The following ZNF28 variants were observed in gnomAD, a reference collection of about 807,000 sequenced individuals.
ZNF28 encodes zinc finger protein 28, also known as zinc finger protein KOX24.
Under a neutral mutation model 7.2 loss-of-function variants are expected in ZNF28, and 5 were observed. The ratio of observed to expected loss-of-function variants is 0.70; its 90% CI spans 0.36 to 1.46. ZNF28 has a LOEUF of 1.46. Among genes scored for constraint, ZNF28 ranks in the 40% most tolerant of loss-of-function variants. The pLI is 0.03. For synonymous variants in ZNF28, 288 were observed against 292.4 expected (o/e 0.99, Z 0.15); for missense variants, 879 against 866.6 (o/e 1.01, Z -0.18).
At chr19:52,809,672 G>T in intron 2 of ZNF28, among the ~76,000 whole-genome samples, 1 of 152,224 alleles carries the variant, frequency 6.6e-6, no homozygotes, top group Non-Finnish European at 1.5e-5. Context: ...CAGACGTGGT[G>T]TTGGCTGCCT....
At chr19:52,821,403 C>A (rs2147703358) in intron 1 of ZNF28, among the ~76,000 whole-genome samples, 183 bp downstream of exon 1, 1 of 152,208 alleles carries the variant, frequency 6.6e-6, no homozygotes, top group East Asian at 1.9e-4. Context: ...ACGGGACCAG[C>A]CTCAGGGCGA....
At position 52,799,149 on chromosome 19, in the gene ZNF28, T is replaced by G; in HGVS notation, c.*539A>C. On this transcript the variant is annotated 3_prime_UTR_variant, in exon 4 of 4. Coordinates refer to ENST00000457749, the MANE Select transcript of ZNF28 (RefSeq NM_006969.5). Reference sequence around the variant, plus strand: ...ACTATGATGACTTGCAAGGTGTGACTGTTGATTAAAAACTATGCCACATTC... The same window carrying G: ...ACTATGATGACTTGCAAGGTGTGACGGTTGATTAAAAACTATGCCACATTC... 4.9e-6 allele frequency: 2 copies of G among 406,496 alleles called. No homozygotes were observed. The highest frequency in any genetic ancestry group is 4.8e-5 in the South Asian group (2 of 41,674). 25.2% of individuals were successfully genotyped at this position (406,496 alleles called of 1,614,324 possible).
Position 52,800,511 on chromosome 19 carries a change from C to T in ZNF28, c.1334G>A (p.Gly445Asp). Residue 445 changes from glycine (G) to aspartate (D), a missense_variant, in exon 4 of 4, where the codon GGC becomes GAC. This residue lies in a region of ZNF28 where 864 missense variants were observed against 830.2 expected (regional missense o/e 1.04). Transcript: ENST00000457749. ...GEKPYKCNEC[G>D]KVFNQQSTLA... ...AGTTGATTGTTGATTAAAAACCTTG[C>T]CACATTCATTACACTTGTAAGGCTT... 6 of 1,613,598 alleles carry T rather than the reference C, an allele frequency of 3.7e-6. No homozygotes were observed. The highest frequency in any genetic ancestry group is 5.1e-6 in the Non-Finnish European group (6 of 1,179,884).
chr19:52,812,184 G>A (rs1187934876), intron 2 of ZNF28, among the ~76,000 whole-genome samples: 1 of 131,322 alleles, frequency 7.6e-6, no homozygotes, highest in East Asian at 2.2e-4. Context: ...CCATCTGGGA[G>A]GTGAGGGGCG....
intron 2 of ZNF28, among the ~76,000 whole-genome samples, chr19:52,814,595 G>GA (rs60135815): frequency 0.067 from 9,186 of 136,740 alleles, 1,235 homozygotes; most frequent in African/African-American, 0.15. Flanking sequence ...GTCTCAAAAA[G>GA]AAAAAAAAAA....
intron 3 of ZNF28, among the ~76,000 whole-genome samples, chr19:52,804,261 T>C (rs1234144581): frequency 1.3e-5 from 2 of 152,224 alleles, no homozygotes; most frequent in Non-Finnish European, 2.9e-5. Flanking sequence ...GAGAAATCAA[T>C]GTCTTTGTCT....
At position 52,813,249 on chromosome 19, in the gene ZNF28, G is replaced by GAACAAAA. The variant is rs1555806828; in HGVS notation, c.15+4694_15+4695insTTTTGTT. The stretch of plus-strand genomic sequence containing the variant: ...TATGAAGATTAAAAACTTGAATGGT[G>GAACAAAA]AAAAAAAAAAAAAAAAAAAAAAGAC... On this transcript the variant is annotated intron_variant, in intron 2 of 3. Transcript: ENST00000457749. Among the ~76,000 whole-genome samples, 10 of 62,984 alleles carry GAACAAAA rather than the reference G, an allele frequency of 1.6e-4. 1 individual carries two copies. Among genetic ancestry groups the GAACAAAA allele is most frequent in the Admixed American group, 9.5e-4 (4 of 4,204 alleles). The allele number at this position is 62,984 out of a possible 152,430, so 41.3% of individuals were successfully genotyped here.
rs781161373 is a variant in ZNF28 at position 52,800,232 on chromosome 19, A to C, written c.1613T>G (p.Leu538Arg). 1 of 1,613,278 alleles carries C rather than the reference A, an allele frequency of 6.2e-7. No homozygotes were observed. The highest frequency in any genetic ancestry group is 2.2e-5 in the East Asian group (1 of 44,646). ...AGTATGAAGTTTATGATGACATGCA[A>C]GGTTTGCTTTTGTACTAAAAACCTT... is the stretch of plus-strand genomic sequence containing the variant. ...CGKVFSTKANLACHHKLHTAE... is the reference protein window; with the variant it reads ...CGKVFSTKANRACHHKLHTAE... Residue 538 changes from leucine to arginine, a missense_variant, in exon 4 of 4, where the codon CTT becomes CGT. Leu to Arg is a moderately radical substitution (Grantham distance 102, BLOSUM62 -2). Coordinates refer to ENST00000457749, the MANE Select transcript of ZNF28 (RefSeq NM_006969.5).
intron 2 of ZNF28, chr19:52,810,215 C>A (rs1568654873): frequency 9.1e-7 from 1 of 1,102,170 alleles, no homozygotes; most frequent in Non-Finnish European, 1.4e-6. Flanking sequence ...AGCTACAGAA[C>A]GACGTAGAGA....
chr19:52,816,183 T>C (rs1218688124), intron 2 of ZNF28, among the ~76,000 whole-genome samples: 1 of 144,872 alleles, frequency 6.9e-6, no homozygotes, highest in Non-Finnish European at 1.5e-5. Context: ...CCACAAAATA[T>C]ATACATCATG....
At chr19:52,807,632 G>A (rs1008537120) in intron 3 of ZNF28, among the ~76,000 whole-genome samples, 11 of 152,110 alleles carry the variant, frequency 7.2e-5, no homozygotes, top group Non-Finnish European at 1.6e-4. Context: ...GCATCACCAT[G>A]CCCGGCTAAC....
intron 2 of ZNF28, chr19:52,809,969 C>A: frequency 1.3e-6 from 1 of 790,158 alleles, no homozygotes; most frequent in South Asian, 1.4e-5. Context: ...ACGATGGGAA[C>A]GGCCTGGAGT....
intron 2 of ZNF28, among the ~76,000 whole-genome samples, chr19:52,816,043 G>A (rs1165827847): frequency 6.8e-6 from 1 of 146,768 alleles, no homozygotes; most frequent in Non-Finnish European, 1.5e-5. Flanking sequence ...TACGAGACTC[G>A]CTCTGACAGC....
At position 52,797,792 on chromosome 19, in the gene ZNF28, C is replaced by A. The variant is rs981221963; in HGVS notation, c.*1896G>T. On this transcript the variant is annotated 3_prime_UTR_variant, in exon 4 of 4. Coordinates refer to ENST00000457749, the MANE Select transcript of ZNF28 (RefSeq NM_006969.5). Reference sequence around the variant, plus strand: ...AACCGAATGTGATTTAGATTCAACACAATACTCATAGAAATCCCCATAACT... The same window carrying A: ...AACCGAATGTGATTTAGATTCAACAAAATACTCATAGAAATCCCCATAACT... 2 of 152,090 alleles carry A rather than the reference C, an allele frequency of 1.3e-5. No homozygotes were observed. Among genetic ancestry groups the A allele is most frequent in the Admixed American group, 6.5e-5 (1 of 15,272 alleles). The allele number at this position is 152,090 out of a possible 1,614,324, so 9.4% of individuals were successfully genotyped here.
chr19:52,808,154 A>T (rs184390241), intron 2 of ZNF28, 21 bp from the exon 3 acceptor site: 1 of 1,611,858 alleles, frequency 6.2e-7, no homozygotes, highest in African/African-American at 1.3e-5. Flanking sequence ...AACACATTTT[A>T]ACCAAATGGT....
intron 2 of ZNF28, chr19:52,810,699 C>A: frequency 1.3e-6 from 1 of 795,198 alleles, no homozygotes; most frequent in Non-Finnish European, 2.3e-6. Context: ...CACGGTATTC[C>A]CCTTACTAAA....
Position 52,800,196 on chromosome 19 carries a change from G to C in ZNF28, c.1649C>G (p.Pro550Arg). 1 of 1,613,248 alleles carries C rather than the reference G, an allele frequency of 6.2e-7. No homozygotes were observed. The highest frequency in any genetic ancestry group is 8.5e-7 in the Non-Finnish European group (1 of 1,179,840). Residue 550 changes from proline (P) to arginine (R), a missense_variant, in exon 4 of 4, where the codon CCG (proline) becomes CGG (arginine). Physicochemically the swap from Pro to Arg is moderately radical, Grantham distance 103 (BLOSUM62 -2). This residue lies in a region of ZNF28 where 864 missense variants were observed against 830.2 expected (regional missense o/e 1.04). Coordinates refer to ENST00000457749, the MANE Select transcript of ZNF28 (RefSeq NM_006969.5). ...CHHKLHTAEK[P>R]YKCEECEKVF... ...TTTCTCACATTCTTCACATTTGTAC[G>C]GTTTCTCTGCAGTATGAAGTTTATG...
Position 52,798,959 on chromosome 19 carries a change from C to A in ZNF28, c.*729G>T. 3.0e-6 allele frequency: 4 copies of A among 1,354,968 alleles called. No homozygotes were observed. Among genetic ancestry groups the A allele is most frequent in the Non-Finnish European group, 4.0e-6 (4 of 999,688 alleles). 83.9% of individuals were successfully genotyped at this position (1,354,968 alleles called of 1,614,324 possible). On this transcript the variant is annotated 3_prime_UTR_variant, in exon 4 of 4. Transcript: ENST00000457749. ...GTAAGGTTTCTCTCCAGTGTGAATTCTAGTATGGTGTGCCAGGTGTGAATC... is the reference window on the plus strand; with the variant it reads ...GTAAGGTTTCTCTCCAGTGTGAATTATAGTATGGTGTGCCAGGTGTGAATC...
intron 2 of ZNF28, among the ~76,000 whole-genome samples, chr19:52,817,175 C>A (rs1418264198): frequency 2.0e-5 from 3 of 152,032 alleles, no homozygotes; most frequent in Non-Finnish European, 4.4e-5. Context: ...GAGTTTGAGA[C>A]CAGCCTGATC....
Sources: allele counts gnomAD v4.1 joint callset (sites outside exome capture counted in the v4.1 genomes callset), GRCh38; gene constraint gnomAD v4.1.1; regional missense constraint gnomAD v4.1.1; transcripts MANE v1.5; gene names NCBI Gene and HGNC (gene_info 2026-07-23, HGNC 2026-07-21).